The following CCDC7 variants were observed in gnomAD, a reference collection of about 807,000 sequenced individuals.
CCDC7 encodes the protein coiled-coil domain-containing protein 7.
In CCDC7, 183 loss-of-function variants were observed where a neutral mutation model predicts 196.9. The observed-to-expected ratio is 0.93, with a 90% CI of 0.82 to 1.05. The LOEUF (loss-of-function observed/expected upper bound fraction) is 1.05, where lower values mean the gene tolerates loss of function less well. CCDC7 is among the 50% of genes least tolerant of loss of function. CCDC7 has a pLI of 0.00. For missense variants in CCDC7, 1,540 were observed against 1,482.2 expected, an observed-to-expected ratio of 1.04 and a Z score of -0.64; for synonymous variants, 525 against 484.6, an observed-to-expected ratio of 1.08 and a Z score of -1.10.
In CCDC7 at chr10:32,567,910, T is replaced by G. The variant is rs761649436; in HGVS notation, c.1419+19T>G. 1.2e-6 allele frequency: 2 copies of G among 1,604,852 alleles called. No individual in the cohort carries two copies. Among genetic ancestry groups the G allele is most frequent in the East Asian group, 2.2e-5 (1 of 44,668 alleles). ...TCCACAGGTGAGGAAATAACCAAAA[T>G]GGAGACAGTAGTATATGTTGTGAGA... On this transcript the variant is annotated intron_variant, in intron 15 of 41. Transcript: ENST00000639629.
chr10:32,673,005 T>A (rs552566736), intron 21 of CCDC7, among the ~76,000 whole-genome samples: 1 of 152,270 alleles, frequency 6.6e-6, no homozygotes, highest in Non-Finnish European at 1.5e-5. Context: ...TTAATTTCAT[T>A]CTTTTCCATG....
intron 30 of CCDC7, among the ~76,000 whole-genome samples, chr10:32,812,846 A>G (rs1306769545): frequency 6.6e-6 from 1 of 152,044 alleles, no homozygotes; most frequent in Non-Finnish European, 1.5e-5. Flanking sequence ...TCCTTCTTTG[A>G]TATATCAGTT....
chr10:32,697,223 GA>G (rs1186592325), intron 24 of CCDC7, among the ~76,000 whole-genome samples: 2 of 152,142 alleles, frequency 1.3e-5, no homozygotes, highest in Admixed American at 1.3e-4. Context: ...CAAGATGGCC[GA>G]ATAGGAACAG....
chr10:32,858,290 T>C (rs1305821598), intron 41 of CCDC7, among the ~76,000 whole-genome samples: 1 of 152,144 alleles, frequency 6.6e-6, no homozygotes, highest in Non-Finnish European at 1.5e-5. Flanking sequence ...TCAAACACGT[T>C]TTATGAGGCC....
chr10:32,814,473 A>G lies in CCDC7; in HGVS notation c.3181+20A>G. Reference sequence around the variant, plus strand: ...TCCCTGGTAAGAACAAAAACTTTACACATTTAGTATTTCTGGTTAGTTTAT... The same window carrying G: ...TCCCTGGTAAGAACAAAAACTTTACGCATTTAGTATTTCTGGTTAGTTTAT... On this transcript the variant is annotated intron_variant, in intron 31 of 41. Coordinates refer to ENST00000639629, the Ensembl canonical transcript of CCDC7. 1 of 1,531,442 alleles carries G rather than the reference A, an allele frequency of 6.5e-7. No homozygotes were observed. Among genetic ancestry groups the G allele is most frequent in the East Asian group, 2.3e-5 (1 of 44,392 alleles). The allele number at this position is 1,531,442 out of a possible 1,614,324, so 94.9% of individuals were successfully genotyped here.
At chr10:32,677,337 C>G (rs2075170558) in intron 21 of CCDC7, among the ~76,000 whole-genome samples, 1 of 151,046 alleles carries the variant, frequency 6.6e-6, no homozygotes, top group Admixed American at 6.6e-5. Flanking sequence ...GCACATTGTG[C>G]ACATGTATCC....
intron 28 of CCDC7, among the ~76,000 whole-genome samples, chr10:32,771,725 T>C (rs1018716030): frequency 3.3e-5 from 5 of 152,204 alleles, no homozygotes; most frequent in African/African-American, 1.2e-4. Flanking sequence ...TGGTTATTGA[T>C]AGCCTCAGTG....
At chr10:32,715,596 A>C (rs2081449722) in intron 25 of CCDC7, among the ~76,000 whole-genome samples, 1 of 152,060 alleles carries the variant, frequency 6.6e-6, no homozygotes, top group Non-Finnish European at 1.5e-5. Flanking sequence ...GTAATAACAA[A>C]CTCCTCTGAG....
chr10:32,595,322 T>C (rs970881291), intron 18 of CCDC7, among the ~76,000 whole-genome samples: 9 of 152,260 alleles, frequency 5.9e-5, no homozygotes, highest in African/African-American at 1.9e-4. Context: ...CTAGATTTTC[T>C]AGTTTATTTG....
chr10:32,816,175 C>T (rs141493243), intron 31 of CCDC7, among the ~76,000 whole-genome samples: 56 of 152,210 alleles, frequency 3.7e-4, no homozygotes, highest in Non-Finnish European at 6.9e-4. Flanking sequence ...GCAAATGGCA[C>T]ACCAGGAGAT....
At chr10:32,499,606 A>C (rs12242241) in intron 9 of CCDC7, among the ~76,000 whole-genome samples, 4 of 141,958 alleles carry the variant, frequency 2.8e-5, no homozygotes, top group Non-Finnish European at 6.2e-5. Flanking sequence ...TTATTTTTTT[A>C]TTTTTTTTTA....
intron 24 of CCDC7, among the ~76,000 whole-genome samples, chr10:32,696,942 AAG>A (rs1443449322): frequency 2.6e-5 from 4 of 152,190 alleles, no homozygotes; most frequent in Admixed American, 2.0e-4. Context: ...GCACCAGAGA[AAG>A]TGAACAAAAT....
At chr10:32,831,166 A>G (rs983840270) in intron 32 of CCDC7, among the ~76,000 whole-genome samples, 1 of 152,184 alleles carries the variant, frequency 6.6e-6, no homozygotes, top group African/African-American at 2.4e-5. Flanking sequence ...TTTGCAGGCA[A>G]TGGTAACACA....
chr10:32,675,248 G>C (rs767067118), intron 21 of CCDC7, among the ~76,000 whole-genome samples: 1 of 144,276 alleles, frequency 6.9e-6, no homozygotes, highest in Non-Finnish European at 1.5e-5. Context: ...CATCTTTTTT[G>C]TGTCTGATAC....
At chr10:32,878,451 C>G (rs561165079), downstream of CCDC7, among the ~76,000 whole-genome samples, 4 of 152,178 alleles carry the variant, frequency 2.6e-5, no homozygotes, top group East Asian at 7.7e-4. Context: ...AGTCTTTCAA[C>G]TGAGCTTTGG....
intron 8 of CCDC7, among the ~76,000 whole-genome samples, chr10:32,488,305 T>C (rs1407363699): frequency 1.3e-5 from 2 of 152,228 alleles, no homozygotes; most frequent in Non-Finnish European, 2.9e-5. Context: ...TATAATCTCC[T>C]GGTGTGCTGT....
intron 9 of CCDC7, among the ~76,000 whole-genome samples, chr10:32,514,980 A>G (rs1288991900): frequency 6.6e-6 from 1 of 152,100 alleles, no homozygotes; most frequent in East Asian, 1.9e-4. Context: ...ATGAACCACC[A>G]TGCCTGGCAA....
At chr10:32,503,294 G>T (rs1161134295) in intron 9 of CCDC7, among the ~76,000 whole-genome samples, 1 of 152,052 alleles carries the variant, frequency 6.6e-6, no homozygotes, top group African/African-American at 2.4e-5. Context: ...CTGATATATG[G>T]ATTTTATTAT....
chr10:32,823,447 T>C (rs532156702), intron 31 of CCDC7, among the ~76,000 whole-genome samples: 2 of 152,282 alleles, frequency 1.3e-5, no homozygotes, highest in South Asian at 4.1e-4. Context: ...GCCAATATAA[T>C]GCATTTTTAC....
Sources: allele counts gnomAD v4.1 joint callset (sites outside exome capture counted in the v4.1 genomes callset), GRCh38; gene constraint gnomAD v4.1.1; transcripts MANE v1.5; gene names NCBI Gene and HGNC (gene_info 2026-07-23, HGNC 2026-07-21).